Variants in SPAG16 observed in about 807,000 individuals in gnomAD.
SPAG16 encodes sperm-associated antigen 16 protein.
SPAG16 carries 86 observed loss-of-function variants against 80.4 expected under a neutral mutation model. The observed-to-expected ratio is 1.07, with a 90% confidence interval of 0.90 to 1.28. The LOEUF (loss-of-function observed/expected upper bound fraction) is 1.28. Ranked by LOEUF, SPAG16 falls within the 50% of genes most tolerant of loss-of-function variation. The pLI is 0.00. For synonymous variants in SPAG16, 294 were observed against 265.9 expected, an observed-to-expected ratio of 1.11 and a Z score of -1.03; for missense variants, 870 against 765.3, an observed-to-expected ratio of 1.14 and a Z score of -1.61.
At chr2:213,967,671 G>A (rs1478766356) in intron 12 of SPAG16, among the ~76,000 whole-genome samples, 1 of 152,090 alleles carries the variant, frequency 6.6e-6, no homozygotes, top group African/African-American at 2.4e-5. Flanking sequence ...TTATTAAATA[G>A]CAAAGTAAGG....
intron 10 of SPAG16, among the ~76,000 whole-genome samples, chr2:213,619,719 T>C (rs753508108): frequency 6.6e-6 from 1 of 152,172 alleles, no homozygotes; most frequent in African/African-American, 2.4e-5. Flanking sequence ...GATGAAAATG[T>C]AAATTAGTGC....
At chr2:214,272,471 G>C (rs903196881) in intron 15 of SPAG16, among the ~76,000 whole-genome samples, 1 of 152,044 alleles carries the variant, frequency 6.6e-6, no homozygotes, top group Non-Finnish European at 1.5e-5. Context: ...ACAGGCCCCA[G>C]TGTGTGATGT....
intron 10 of SPAG16, among the ~76,000 whole-genome samples, chr2:213,611,160 C>G (rs1001363855): frequency 6.6e-6 from 1 of 152,156 alleles, no homozygotes; most frequent in East Asian, 1.9e-4. Flanking sequence ...CTGTGGTTCT[C>G]CCTCATGTGT....
intron 10 of SPAG16, among the ~76,000 whole-genome samples, chr2:213,778,276 G>A (rs143108279): frequency 2.0e-4 from 31 of 152,018 alleles, no homozygotes; most frequent in Non-Finnish European, 4.3e-4. Context: ...AACTATAAAA[G>A]TTAAAATAAG....
intron 10 of SPAG16, among the ~76,000 whole-genome samples, chr2:213,752,352 T>C (rs2068115432): frequency 6.6e-6 from 1 of 152,234 alleles, no homozygotes; most frequent in South Asian, 2.1e-4. Flanking sequence ...AATATGATTT[T>C]TGACTCCCCT....
intron 12 of SPAG16, among the ~76,000 whole-genome samples, chr2:213,946,978 TC>T (rs2079507016): frequency 6.6e-6 from 1 of 152,194 alleles, no homozygotes; most frequent in African/African-American, 2.4e-5. Flanking sequence ...GCTTTTTTTT[TC>T]ATTTAGCATA....
intron 15 of SPAG16, among the ~76,000 whole-genome samples, chr2:214,212,547 C>T (rs774857138): frequency 4.2e-4 from 64 of 151,966 alleles, no homozygotes; most frequent in Admixed American, 1.5e-3. Context: ...GTGATTGTGC[C>T]CTGTATCTGT....
At chr2:213,531,878 ACAAT>A (rs981241953) in intron 10 of SPAG16, among the ~76,000 whole-genome samples, 3 of 152,192 alleles carry the variant, frequency 2.0e-5, no homozygotes, top group Admixed American at 1.3e-4. Flanking sequence ...TTGGAATCTT[ACAAT>A]CAGTGAACCA....
chr2:213,365,707 C>T (rs1211226113), intron 8 of SPAG16, among the ~76,000 whole-genome samples: 1 of 151,902 alleles, frequency 6.6e-6, no homozygotes, highest in Non-Finnish European at 1.5e-5. Context: ...ATCCGCCTGC[C>T]TCAGCCTCCC....
intron 12 of SPAG16, among the ~76,000 whole-genome samples, chr2:213,973,636 C>T (rs201478714): frequency 5.7e-5 from 8 of 140,828 alleles, no homozygotes; most frequent in African/African-American, 1.8e-4. Flanking sequence ...AAATTGCCCC[C>T]TTTTTTTTTT....
intron 11 of SPAG16, among the ~76,000 whole-genome samples, chr2:213,911,711 T>G (rs982742057): frequency 6.6e-6 from 1 of 151,754 alleles, no homozygotes; most frequent in Admixed American, 6.6e-5. Flanking sequence ...AAACATATTC[T>G]CCATGGAAAG....
At chr2:214,211,824 C>T (rs2058302177) in intron 15 of SPAG16, among the ~76,000 whole-genome samples, 1 of 152,100 alleles carries the variant, frequency 6.6e-6, no homozygotes, top group South Asian at 2.1e-4. Flanking sequence ...CTATTATTCC[C>T]CCAATATGAT....
Position 214,410,297 on chromosome 2 carries a change from A to G in SPAG16, c.1878A>G (p.Thr626=). The G allele has an allele frequency of 6.2e-7, 1 of 1,600,104 alleles. No homozygotes were observed. Among genetic ancestry groups the G allele is most frequent in the Non-Finnish European group, 8.6e-7 (1 of 1,168,228 alleles). Residue 626 remains threonine (T), a synonymous_variant, in exon 16 of 16, where the codon ACA becomes ACG. Coordinates refer to ENST00000331683, the MANE Select transcript of SPAG16 (RefSeq NM_024532.5). ...EILFSGGSDG[T]VRTWS is the part of the protein sequence containing the mutation. ...TCTTTTCTGGAGGCTCTGACGGCAC[A>G]GTTCGAACGTGGTCTTGACCGTCAG...
intron 8 of SPAG16, among the ~76,000 whole-genome samples, chr2:213,374,093 T>C (rs1372639086): frequency 6.6e-6 from 1 of 152,122 alleles, no homozygotes; most frequent in Non-Finnish European, 1.5e-5. Context: ...TAACGTGGGG[T>C]TATGGAACAT....
At chr2:213,776,829 C>CT (rs1487722619) in intron 10 of SPAG16, among the ~76,000 whole-genome samples, 4 of 109,826 alleles carry the variant, frequency 3.6e-5, no homozygotes, top group Admixed American at 1.1e-4. Flanking sequence ...CTATGCCACC[C>CT]CCCCCCCACC....
intron 12 of SPAG16, among the ~76,000 whole-genome samples, chr2:213,980,725 T>TATATATAGAGAGAGAGAGAGAG (rs374274176): frequency 9.6e-5 from 10 of 103,992 alleles, no homozygotes; most frequent in African/African-American, 3.5e-4. Flanking sequence ...TATATATATA[T>TATATATAGAGAGAGAGAGAGAG]AGAGAGAGAG....
At chr2:213,817,087 T>C (rs975710478) in intron 10 of SPAG16, among the ~76,000 whole-genome samples, 1 of 151,646 alleles carries the variant, frequency 6.6e-6, no homozygotes, top group Non-Finnish European at 1.5e-5. Context: ...TTTGTTTATT[T>C]AATAGGTAAA....
rs377255291 is a variant in SPAG16, at chr2:214,085,322, A to G, written c.1528-22874A>G. ...AGGAGACGGAGGCTGCGGTGATCCA[A>G]GATCTGACATCAAGCCAATGCACTC... On this transcript the variant is annotated intron_variant, in intron 13 of 15. Coordinates refer to ENST00000331683, the MANE Select transcript of SPAG16 (RefSeq NM_024532.5). Among the ~76,000 whole-genome samples the G allele has an allele frequency of 5.9e-5, 9 of 151,348 alleles. No homozygotes were observed. In the East Asian group the frequency reaches 1.6e-3, roughly 26 times the overall value.
chr2:213,333,958 A>G (rs1367543421), intron 5 of SPAG16, among the ~76,000 whole-genome samples: 2 of 152,198 alleles, frequency 1.3e-5, no homozygotes, highest in Non-Finnish European at 2.9e-5. Context: ...AAAGAAAATA[A>G]TGGACAAATG....
Sources: allele counts gnomAD v4.1 joint callset (sites outside exome capture counted in the v4.1 genomes callset), GRCh38; gene constraint gnomAD v4.1.1; transcripts MANE v1.5; gene names NCBI Gene and HGNC (gene_info 2026-07-23, HGNC 2026-07-21).